Variants in ZNF235 observed in about 807,000 individuals in gnomAD.
ZNF235 encodes the protein zfp-93.
A neutral mutation model predicts 29.4 loss-of-function variants in ZNF235; 25 were observed. That is an observed-to-expected ratio of 0.85 (90% CI 0.62 to 1.19). The LOEUF (loss-of-function observed/expected upper bound fraction) is 1.19, where lower values mean the gene tolerates loss of function less well. Among genes scored for constraint, ZNF235 ranks in the 50% most tolerant of loss-of-function variants. The pLI is 0.00. For missense variants in ZNF235, 788 were observed against 885.0 expected, an observed-to-expected ratio of 0.89 and a Z score of 1.39; for synonymous variants, 300 against 295.3, an observed-to-expected ratio of 1.02 and a Z score of -0.16.
chr19:44,293,983 G>T (rs1403640931), intron 4 of ZNF235, among the ~76,000 whole-genome samples: 2 of 150,632 alleles, frequency 1.3e-5, no homozygotes, highest in African/African-American at 4.9e-5. Flanking sequence ...TTAACAACCT[G>T]TGTCTCACCT....
intron 2 of ZNF235, 136 bp from the exon 3 acceptor site, chr19:44,299,868 T>G: frequency 7.4e-7 from 1 of 1,344,612 alleles, no homozygotes; most frequent in South Asian, 1.3e-5. Context: ...GGAAAACACC[T>G]TGTACATGTA....
At chr19:44,292,591 T>A (rs1296127036) in intron 4 of ZNF235, among the ~76,000 whole-genome samples, 1 of 151,814 alleles carries the variant, frequency 6.6e-6, no homozygotes, top group Non-Finnish European at 1.5e-5. Flanking sequence ...CTAAGAAGTA[T>A]GAAACTACAT....
At chr19:44,303,206 GATAT>G (rs67283809) in intron 2 of ZNF235, among the ~76,000 whole-genome samples, 180 bp downstream of exon 2, 1 of 145,262 alleles carries the variant, frequency 6.9e-6, no homozygotes, top group African/African-American at 2.5e-5. Context: ...GAAATTAACA[GATAT>G]ATATATATCT....
intron 2 of ZNF235, among the ~76,000 whole-genome samples, chr19:44,300,057 C>T (rs1975713476): frequency 6.6e-6 from 1 of 152,168 alleles, no homozygotes; most frequent in African/African-American, 2.4e-5. Flanking sequence ...CTTCATAAAG[C>T]TCTGGCACAA....
Position 44,287,167 on chromosome 19 carries a change from C to A in ZNF235, c.*51G>T. 1 of 1,509,650 alleles carries A rather than the reference C, an allele frequency of 6.6e-7. No individual in the cohort carries two copies. Among genetic ancestry groups the A allele is most frequent in the Non-Finnish European group, 8.9e-7 (1 of 1,127,648 alleles). The allele number at this position is 1,509,650 out of a possible 1,614,324, so 93.5% of individuals were successfully genotyped here. A position where few individuals can be genotyped will look rare whatever the true frequency, so the allele number is the denominator to read the frequency against. On this transcript the variant is annotated 3_prime_UTR_variant, in exon 5 of 5. Transcript: ENST00000291182. Reference sequence around the variant, plus strand: ...ACAATCATCAGCATGGACTTCCCAACGGAGACAAAGATGTGAGCTCTAACT... The same window carrying A: ...ACAATCATCAGCATGGACTTCCCAAAGGAGACAAAGATGTGAGCTCTAACT...
chr19:44,300,052 T>C (rs990232574), intron 2 of ZNF235, among the ~76,000 whole-genome samples: 5 of 152,192 alleles, frequency 3.3e-5, no homozygotes, highest in Non-Finnish European at 7.3e-5. Context: ...CAGGCCTTCA[T>C]AAAGCTCTGG....
chr19:44,304,795 C>G, intron 1 of ZNF235, 176 bp downstream of exon 1: 1 of 985,428 alleles, frequency 1.0e-6, no homozygotes, highest in Non-Finnish European at 1.2e-6. Flanking sequence ...ACGACGCGAG[C>G]CCGCCTCCCA....
intron 4 of ZNF235, among the ~76,000 whole-genome samples, chr19:44,296,465 A>G (rs139334683): frequency 0.011 from 1,687 of 152,344 alleles, 29 homozygotes; most frequent in African/African-American, 0.038. Context: ...ATGTAAAATG[A>G]ATGTTAAAAC....
intron 2 of ZNF235, among the ~76,000 whole-genome samples, chr19:44,301,032 GGTGA>G (rs1275013148): frequency 6.6e-6 from 1 of 151,494 alleles, no homozygotes; most frequent in Non-Finnish European, 1.5e-5. Flanking sequence ...TGAGTAATTT[GGTGA>G]GTGATATAAA....
At chr19:44,296,548 G>C (rs367958759) in intron 4 of ZNF235, among the ~76,000 whole-genome samples, 8 of 152,232 alleles carry the variant, frequency 5.3e-5, no homozygotes, top group African/African-American at 1.7e-4. Flanking sequence ...CAGTTTGGTG[G>C]ATTAGATGAT....
At chr19:44,296,343 A>G (rs773080471) in intron 4 of ZNF235, among the ~76,000 whole-genome samples, 10 of 152,220 alleles carry the variant, frequency 6.6e-5, no homozygotes, top group Non-Finnish European at 1.0e-4. Flanking sequence ...TAAAAAGTTT[A>G]AAGTCATAGG....
At chr19:44,292,498 T>C (rs906111643) in intron 4 of ZNF235, among the ~76,000 whole-genome samples, 1 of 151,214 alleles carries the variant, frequency 6.6e-6, no homozygotes, top group African/African-American at 2.4e-5. Flanking sequence ...AGAAAGCATC[T>C]CGGTACTTCA....
At chr19:44,298,080 T>C (rs1052787582) in intron 4 of ZNF235, among the ~76,000 whole-genome samples, 1 of 152,066 alleles carries the variant, frequency 6.6e-6, no homozygotes, top group Non-Finnish European at 1.5e-5. Context: ...GACTGTGTCA[T>C]TGTACTCCAG....
chr19:44,287,351 G>A lies in ZNF235; in HGVS notation c.2084C>T (p.Ala695Val). 1 of 1,613,198 alleles carries A rather than the reference G, an allele frequency of 6.2e-7. No individual in the cohort carries two copies. Among genetic ancestry groups the A allele is most frequent in the Non-Finnish European group, 8.5e-7 (1 of 1,179,688 alleles). ...TCTCTGGTGTGTGTGAAAATGTGAG[G>A]CCTGACTGAAGCCCTTCCCACACTG... ...CQQCGKGFSQ[A>V]SHFHTHQRVH... is the part of the protein sequence containing the mutation. The change falls in exon 5 of 5, where the codon GCC becomes GTC. Residue 695 changes from alanine (A) to valine (V), a missense_variant. Transcript: ENST00000291182.
chr19:44,289,306 C>G (rs1975553095), intron 4 of ZNF235, 110 bp from the exon 5 acceptor site: 1 of 949,154 alleles, frequency 1.1e-6, no homozygotes, highest in Admixed American at 3.2e-5. Context: ...AAAAAAACAA[C>G]TAGACTGGCT....
chr19:44,289,351 C>T lies in ZNF235; in HGVS notation c.239-155G>A, dbSNP rs937051465. On this transcript the variant is annotated intron_variant, in intron 4 of 4. Transcript: ENST00000291182. ...TTATAGGAACTCTGAAAAGCAGCTG[C>T]AACCAAGAGAACACCAAATGTTTTA... The T allele has an allele frequency of 1.4e-5, 9 of 662,424 alleles. No homozygotes were observed. The African/African-American group carries it at 1.6e-4, about 12-fold the overall frequency. 41.0% of individuals were successfully genotyped at this position (662,424 alleles called of 1,614,324 possible).
At chr19:44,291,569 G>A (rs1568644279) in intron 4 of ZNF235, among the ~76,000 whole-genome samples, 4 of 152,142 alleles carry the variant, frequency 2.6e-5, no homozygotes, top group Non-Finnish European at 2.9e-5. Flanking sequence ...ATATCAGGAT[G>A]AGAGGTGACA....
intron 1 of ZNF235, 31 bp from the exon 2 acceptor site, chr19:44,303,483 T>C (rs545196178): frequency 6.3e-7 from 1 of 1,577,758 alleles, no homozygotes; most frequent in African/African-American, 1.4e-5. Flanking sequence ...ATGAGATAGG[T>C]TAGGGATGGC....
At chr19:44,303,289 T>C (rs35903362) in intron 2 of ZNF235, 101 bp downstream of exon 2, 1 of 1,174,730 alleles carries the variant, frequency 8.5e-7, no homozygotes, top group Admixed American at 1.7e-5. Context: ...ACATTCCAAG[T>C]GCCTTTCGTT....
Sources: gnomAD v4.1 joint callset for allele counts (sites outside exome capture counted in the v4.1 genomes callset) on GRCh38, gnomAD v4.1.1 for gene constraint, MANE v1.5 for transcripts, NCBI Gene and HGNC (gene_info 2026-07-23, HGNC 2026-07-21) for gene names.